The following MTERF4 variants were observed in gnomAD, a reference collection of about 807,000 sequenced individuals.
MTERF4 encodes mitochondrial transcription termination factor 4.
In MTERF4, 17 loss-of-function variants were observed where a neutral mutation model predicts 22.5. That is an observed-to-expected ratio of 0.75 (90% confidence interval 0.52 to 1.13). MTERF4 has a LOEUF of 1.13. Among genes scored for constraint, MTERF4 ranks in the 50% most tolerant of loss-of-function variants. The pLI is 0.00. For missense variants in MTERF4, 420 were observed against 466.8 expected (o/e 0.90, Z 0.92); for synonymous variants, 165 against 175.3 (o/e 0.94, Z 0.47).
chr2:241,071,595 C>A, downstream of MTERF4: 1 of 1,588,014 alleles, frequency 6.3e-7, no homozygotes, highest in Non-Finnish European at 8.5e-7. Context: ...ATGGCGCTGA[C>A]AGACGCTGGC....
chr2:241,072,448 C>T (rs896844652), exon 5 of MTERF4: 7 of 355,926 alleles, frequency 2.0e-5, no homozygotes, highest in Admixed American at 7.6e-5. Flanking sequence ...GAGGCAGGCG[C>T]GACCCTGCCC....
chr2:241,058,293 G>A, the MTERF4 span, among the ~76,000 whole-genome samples: 1 of 151,842 alleles, frequency 6.6e-6, no homozygotes, highest in South Asian at 2.1e-4. Flanking sequence ...TATATATAAA[G>A]CAAAAATTAA....
chr2:241,057,062 C>T, the MTERF4 span, among the ~76,000 whole-genome samples: 1 of 152,056 alleles, frequency 6.6e-6, no homozygotes, highest in Non-Finnish European at 1.5e-5. Context: ...ATTCAAAAAG[C>T]TCAGCAAATC....
the MTERF4 span, among the ~76,000 whole-genome samples, chr2:241,051,020 G>A: frequency 6.6e-6 from 1 of 152,234 alleles, no homozygotes; most frequent in Non-Finnish European, 1.5e-5. The surrounding 1 kb of genome is among the most constrained non-coding windows in gnomAD (Gnocchi z 4.7). Context: ...GGACAAGGAT[G>A]GCTGTCCTCA....
In MTERF4 at chr2:241,078,255, C is replaced by T. The variant is rs370938655; in HGVS notation, n.480-2573G>A. Among the ~76,000 whole-genome samples, 10 of 151,552 alleles carry T rather than the reference C, an allele frequency of 6.6e-5. No homozygotes were observed. The East Asian group carries it at 7.7e-4, about 12-fold the overall frequency. ...AAAATTAGCTGGGCGTGGTGGCGGGCGCCTGTAGTCCCAGCTCCTCAGGAG... is the reference window on the plus strand; with the variant it reads ...AAAATTAGCTGGGCGTGGTGGCGGGTGCCTGTAGTCCCAGCTCCTCAGGAG... On this transcript the variant is annotated intron_variant and non_coding_transcript_variant, in intron 4 of 4. Coordinates refer to the MTERF4 transcript ENST00000464344.
In MTERF4 at chr2:241,096,860, T is replaced by C; in HGVS notation, c.705+383A>G. On this transcript the variant is annotated intron_variant, in intron 3 of 3. Transcript: ENST00000391980. The surrounding 1 kb of genome is among the most constrained non-coding windows in gnomAD (Gnocchi z 5.1). ...ACATTTTCAAAATCAACATGCAAAA[T>C]AGATTCTAAGGACAGGAAGGTTTCA... 1 of 569,206 alleles carries C rather than the reference T, an allele frequency of 1.8e-6. No individual in the cohort carries two copies. Among genetic ancestry groups the C allele is most frequent in the Admixed American group, 3.2e-5 (1 of 30,920 alleles). 35.3% of individuals were successfully genotyped at this position (569,206 alleles called of 1,614,324 possible).
chr2:241,085,817 G>A (rs1022244541), downstream of MTERF4, among the ~76,000 whole-genome samples: 1 of 146,788 alleles, frequency 6.8e-6, no homozygotes, highest in Admixed American at 6.8e-5. Context: ...TTATTCTGGG[G>A]TTAATTTTGC....
Position 241,096,115 on chromosome 2 carries a change from C to A in MTERF4, c.1029G>T (p.Glu343Asp). 1 of 1,607,782 alleles carries A rather than the reference C, an allele frequency of 6.2e-7. No individual in the cohort carries two copies. Among genetic ancestry groups the A allele is most frequent in the Non-Finnish European group, 8.5e-7 (1 of 1,179,676 alleles). ...DDKRASLDED[E>D]DDDDEEDNDE... ...CATTGTCCTCCTCATCATCGTCATC[C>A]TCATCCTCATCCAGACTTGCCCTTT... Residue 343 changes from glutamate (E) to aspartate (D), a missense_variant, in exon 4 of 4, where the codon GAG becomes GAT. By Grantham distance (45) the Glu-to-Asp change is conservative (BLOSUM62 2). Coordinates refer to ENST00000391980, the MANE Select transcript of MTERF4 (RefSeq NM_182501.4). This position sits in a 1 kb window ranked among gnomAD's most constrained non-coding sequence, Gnocchi z 5.1.
intron 2 of MTERF4, 71 bp from the exon 3 acceptor site, chr2:241,097,498 C>G (rs756238323): frequency 2.5e-5 from 36 of 1,425,372 alleles, no homozygotes; most frequent in Non-Finnish European, 3.3e-5. Flanking sequence ...CTAGCTGCAC[C>G]CAATTTAAGT....
Position 241,096,870 on chromosome 2 carries a change from G to A in MTERF4, c.705+373C>T. The stretch of plus-strand genomic sequence containing the variant: ...AATCAACATGCAAAATAGATTCTAA[G>A]GACAGGAAGGTTTCAGCTATTTTAA... On this transcript the variant is annotated intron_variant, in intron 3 of 3. Coordinates refer to ENST00000391980, the MANE Select transcript of MTERF4 (RefSeq NM_182501.4). The surrounding 1 kb of genome is among the most constrained non-coding windows in gnomAD (Gnocchi z 5.1). The A allele has an allele frequency of 1.7e-6, 1 of 572,488 alleles. No homozygotes were observed. The highest frequency in any genetic ancestry group is 3.1e-6 in the Non-Finnish European group (1 of 321,792). 35.5% of individuals were successfully genotyped at this position (572,488 alleles called of 1,614,324 possible).
downstream of MTERF4, chr2:241,072,145 G>T: frequency 2.9e-6 from 2 of 686,660 alleles, no homozygotes; most frequent in African/African-American, 1.8e-5. Flanking sequence ...CGCAAGAGAA[G>T]ATAAACATTT....
At position 241,096,519 on chromosome 2, in the gene MTERF4, T is replaced by G. The variant is rs1253258382; in HGVS notation, c.706-81A>C. The G allele has an allele frequency of 9.4e-6, 14 of 1,484,486 alleles. No individual in the cohort carries two copies. The Admixed American group carries it at 1.5e-4, about 16-fold the overall frequency. 92.0% of individuals were successfully genotyped at this position (1,484,486 alleles called of 1,614,324 possible). ...TTCTATAAACCATAAAAACTTAAGT[T>G]GTACAAAAGGATTCAAAAAGAATTG... is the stretch of plus-strand genomic sequence containing the variant. On this transcript the variant is annotated intron_variant, in intron 3 of 3. Transcript: ENST00000391980. The surrounding 1 kb of genome is among the most constrained non-coding windows in gnomAD (Gnocchi z 5.1).
chr2:241,090,388 T>C (rs768053620), downstream of MTERF4: 2 of 1,550,158 alleles, frequency 1.3e-6, no homozygotes, highest in South Asian at 1.2e-5. Flanking sequence ...GGAAACCTCC[T>C]GAAGGACCTG....
the MTERF4 span, among the ~76,000 whole-genome samples, chr2:241,054,807 GATAA>G: frequency 7.2e-5 from 11 of 152,200 alleles, no homozygotes; most frequent in East Asian, 1.9e-4. Flanking sequence ...AGCAGGGAAA[GATAA>G]ATAAATAAAA....
chr2:241,051,810 A>G, the MTERF4 span: 2 of 1,562,716 alleles, frequency 1.3e-6, no homozygotes, highest in African/African-American at 2.7e-5. The surrounding 1 kb of genome is among the most constrained non-coding windows in gnomAD (Gnocchi z 4.7). Context: ...GCGGGCGGCG[A>G]GTACCACTGC....
rs2064368505 is a variant in MTERF4 at position 241,095,736 on chromosome 2, T to C, written c.*262A>G. 5.9e-6 allele frequency: 3 copies of C among 509,250 alleles called. No individual in the cohort carries two copies. Among genetic ancestry groups the C allele is most frequent in the Non-Finnish European group, 3.4e-6 (1 of 295,388 alleles). 31.5% of individuals were successfully genotyped at this position (509,250 alleles called of 1,614,324 possible). A position where few individuals can be genotyped will look rare whatever the true frequency, so the allele number is the denominator to read the frequency against. On this transcript the variant is annotated 3_prime_UTR_variant, in exon 4 of 4. Coordinates refer to ENST00000391980, the MANE Select transcript of MTERF4 (RefSeq NM_182501.4). ...ATATATTGAGTCCCCTTGATGTGAA[T>C]AGCTCAACATAAGTATCTTATTCAG...
chr2:241,066,702 G>A, the MTERF4 span, among the ~76,000 whole-genome samples: 4 of 152,198 alleles, frequency 2.6e-5, no homozygotes, highest in Admixed American at 6.5e-5. Flanking sequence ...GGGCGGCCAC[G>A]TGAGTTTGGT....
At position 241,102,064 on chromosome 2, in the gene MTERF4, T is replaced by A. The variant is rs377755759; in HGVS notation, c.21+189A>T. The A allele has an allele frequency of 3.7e-3, 2,244 of 605,868 alleles. 45 individuals carry two copies. The African/African-American group carries it at 0.048, about 13-fold the overall frequency. The allele number at this position is 605,868 out of a possible 1,614,324, so 37.5% of individuals were successfully genotyped here. Reference sequence around the variant, plus strand: ...GAGACTTTGTCTCAAAAAAAAAAAATGTCAACTCTATATCCCACAATAATT... The same window carrying A: ...GAGACTTTGTCTCAAAAAAAAAAAAAGTCAACTCTATATCCCACAATAATT... On this transcript the variant is annotated intron_variant, in intron 1 of 3. Transcript: ENST00000391980.
At chr2:241,072,133 C>T (rs1289560040), downstream of MTERF4, 1 of 693,568 alleles carries the variant, frequency 1.4e-6, no homozygotes, top group East Asian at 2.7e-5. Context: ...GCTGGTAGGG[C>T]ACGCAAGAGA....
Sources: gnomAD v4.1 joint callset for allele counts (sites outside exome capture counted in the v4.1 genomes callset) on GRCh38, gnomAD v4.1.1 for gene constraint, Gnocchi (gnomAD v3.1) non-coding constraint, MANE v1.5 for transcripts, NCBI Gene and HGNC (gene_info 2026-07-23, HGNC 2026-07-21) for gene names.